Variants in FBXO15 observed in about 807,000 individuals in gnomAD.
FBXO15 encodes F-box protein 15, also known as F-box only protein 15.
FBXO15 carries 30 observed loss-of-function variants against 49.5 expected under a neutral mutation model. The observed-to-expected ratio is 0.61, with a 90% CI of 0.45 to 0.82. FBXO15 has a LOEUF of 0.82. Among genes scored for constraint, FBXO15 ranks in the 40% least tolerant of loss-of-function variants. FBXO15 has a pLI of 0.00. For missense variants in FBXO15, 591 were observed against 631.5 expected (o/e 0.94, Z 0.69); for synonymous variants, 250 against 232.7 (o/e 1.07, Z -0.68).
In FBXO15 at chr18:74,135,767, A is replaced by G. The variant is rs576386033; in HGVS notation, c.327T>C (p.Asn109=). 20 of 1,600,624 alleles carry G rather than the reference A, an allele frequency of 1.2e-5. No homozygotes were observed. Among genetic ancestry groups the G allele is most frequent in the East Asian group, 1.1e-4 (5 of 44,768 alleles). ...AGACTTGGATTTCTGCTTACTTGTC[A>G]TTGGCTAGATGATAAAAGCGCCTGC... The part of the protein sequence containing the change: ...CVSRRFYHLA[N]DNFIWIGIYS... Residue 109 remains asparagine (N), a synonymous_variant, in exon 3 of 10, where the codon AAT becomes AAC. Transcript: ENST00000419743.
intron 8 of FBXO15, among the ~76,000 whole-genome samples, chr18:74,091,224 T>C (rs189044751): frequency 6.6e-6 from 1 of 152,340 alleles, no homozygotes; most frequent in African/African-American, 2.4e-5. Context: ...CCCTGCTTTT[T>C]TTCTCTTTTC....
chr18:74,114,107 TG>T, intron 8 of FBXO15, among the ~76,000 whole-genome samples: 1 of 152,322 alleles, frequency 6.6e-6, no homozygotes, highest in Admixed American at 6.5e-5. Context: ...TTGTACAGTG[TG>T]GTTAATGCTG....
intron 8 of FBXO15, among the ~76,000 whole-genome samples, chr18:74,110,168 TATATATATATATACACATATGTGTGC>T (rs1228218283): frequency 1.1e-4 from 13 of 118,334 alleles, no homozygotes; most frequent in African/African-American, 3.1e-4. Context: ...TGTGTGCATA[TATATATATATATACACATATGTGTGC>T]ATATATATAT....
At chr18:74,109,526 A>G (rs1913916186) in intron 8 of FBXO15, among the ~76,000 whole-genome samples, 1 of 152,198 alleles carries the variant, frequency 6.6e-6, no homozygotes, top group South Asian at 2.1e-4. Context: ...AGACACATGC[A>G]CACATACGTT....
intron 8 of FBXO15, among the ~76,000 whole-genome samples, chr18:74,108,324 G>A: frequency 6.6e-6 from 1 of 151,714 alleles, no homozygotes; most frequent in African/African-American, 2.4e-5. Context: ...TGCAAGAATA[G>A]GTAAGCAATG....
Position 74,074,511 on chromosome 18 carries a change from C to G in FBXO15, c.1264-781G>C, listed in dbSNP as rs1912175389. On this transcript the variant is annotated intron_variant, in intron 9 of 9. Coordinates refer to ENST00000419743, the MANE Select transcript of FBXO15 (RefSeq NM_001142958.2). This position sits in a 1 kb window ranked among gnomAD's most constrained non-coding sequence, Gnocchi z 4.7. ...CGACACAGCACTTCCCGGAAGTGGT[C>G]CACTTTCACTATCCATGCCTCAGGC... Among the ~76,000 whole-genome samples the G allele has an allele frequency of 6.6e-6, 1 of 152,148 alleles. No individual in the cohort carries two copies. Among genetic ancestry groups the G allele is most frequent in the African/African-American group, 2.4e-5 (1 of 41,424 alleles).
intron 8 of FBXO15, among the ~76,000 whole-genome samples, chr18:74,118,092 G>C (rs1169874395): frequency 6.6e-6 from 1 of 151,566 alleles, no homozygotes; most frequent in African/African-American, 2.4e-5. Flanking sequence ...CTGAACCCTG[G>C]AACTCTCGAT....
intron 3 of FBXO15, among the ~76,000 whole-genome samples, chr18:74,133,403 T>TA (rs1027826251): frequency 2.0e-5 from 3 of 152,086 alleles, no homozygotes; most frequent in Non-Finnish European, 4.4e-5. Flanking sequence ...GAGAAGACAG[T>TA]AAAGAAACTA....
At chr18:74,111,996 T>C (rs751728044) in intron 8 of FBXO15, among the ~76,000 whole-genome samples, 17 of 152,076 alleles carry the variant, frequency 1.1e-4, no homozygotes, top group Non-Finnish European at 4.4e-5. Flanking sequence ...TAAGAAGAAA[T>C]AGATAATCTG....
At chr18:74,092,817 C>CT (rs1287974707) in intron 8 of FBXO15, among the ~76,000 whole-genome samples, 2 of 152,130 alleles carry the variant, frequency 1.3e-5, no homozygotes, top group African/African-American at 4.8e-5. Context: ...CCAGATAAAG[C>CT]ATCATGTGGT....
intron 8 of FBXO15, among the ~76,000 whole-genome samples, chr18:74,096,103 T>C (rs889945212): frequency 6.6e-5 from 10 of 152,110 alleles, no homozygotes; most frequent in Non-Finnish European, 1.3e-4. Context: ...ACAACCAGCT[T>C]CCCCACCATC....
At chr18:74,124,801 C>T (rs1166874818) in intron 6 of FBXO15, among the ~76,000 whole-genome samples, 1 of 152,128 alleles carries the variant, frequency 6.6e-6, no homozygotes, top group Non-Finnish European at 1.5e-5. Flanking sequence ...ATGCAGAGCA[C>T]ACAGGACCAA....
chr18:74,123,902 C>T (rs1914583000), intron 7 of FBXO15, among the ~76,000 whole-genome samples: 1 of 151,854 alleles, frequency 6.6e-6, no homozygotes, highest in African/African-American at 2.4e-5. Context: ...CCAGGCAGAC[C>T]CAAAGCCAAG....
intron 3 of FBXO15, among the ~76,000 whole-genome samples, chr18:74,131,072 C>T (rs1036915262): frequency 6.6e-6 from 1 of 152,074 alleles, no homozygotes; most frequent in Non-Finnish European, 1.5e-5. Flanking sequence ...TGTACACACA[C>T]CAAGAAATTT....
intron 8 of FBXO15, chr18:74,097,703 T>C (rs887334383): frequency 6.6e-6 from 1 of 152,336 alleles, no homozygotes; most frequent in Admixed American, 6.5e-5. Flanking sequence ...AAAGGGCATA[T>C]ACTCTTGGGA....
chr18:74,079,284 T>C (rs1410392678), intron 9 of FBXO15, among the ~76,000 whole-genome samples: 1 of 152,228 alleles, frequency 6.6e-6, no homozygotes, highest in African/African-American at 2.4e-5. Context: ...ACTTGACTTA[T>C]GCTGAAGACT....
At chr18:74,107,784 G>A (rs953907348) in intron 8 of FBXO15, among the ~76,000 whole-genome samples, 3 of 152,132 alleles carry the variant, frequency 2.0e-5, no homozygotes, top group Non-Finnish European at 4.4e-5. Flanking sequence ...CTGGAAAAGG[G>A]AGGGGAAAGG....
chr18:74,125,863 G>T, intron 6 of FBXO15, 112 bp downstream of exon 6: 6 of 1,391,122 alleles, frequency 4.3e-6, no homozygotes, highest in Non-Finnish European at 4.9e-6. Flanking sequence ...AAAATGGATT[G>T]CAGTTAGTGA....
intron 8 of FBXO15, among the ~76,000 whole-genome samples, chr18:74,110,676 C>T (rs986921142): frequency 6.6e-6 from 1 of 150,872 alleles, no homozygotes; most frequent in African/African-American, 2.4e-5. Flanking sequence ...GAGAAACTCA[C>T]TTTAAATGTA....
Sources: allele counts gnomAD v4.1 joint callset (sites outside exome capture counted in the v4.1 genomes callset), GRCh38; gene constraint gnomAD v4.1.1; non-coding constraint Gnocchi (gnomAD v3.1); transcripts MANE v1.5; gene names NCBI Gene and HGNC (gene_info 2026-07-23, HGNC 2026-07-21).